Variants in TEAD1 observed in about 807,000 individuals in gnomAD.
The protein encoded by TEAD1 is transcriptional enhancer factor TEF-1.
Under a neutral mutation model 54.9 loss-of-function variants are expected in TEAD1, and 9 were observed. The ratio of observed to expected loss-of-function variants is 0.16; its 90% CI spans 0.10 to 0.29. The LOEUF (loss-of-function observed/expected upper bound fraction) is 0.29, where lower values mean the gene tolerates loss of function less well. Ranked by LOEUF, TEAD1 falls within the 10% of genes least tolerant of loss-of-function variation. The pLI, the probability that TEAD1 is intolerant of heterozygous loss-of-function variation, is 1.00. For synonymous variants in TEAD1, 200 were observed against 187.8 expected, an observed-to-expected ratio of 1.07 and a Z score of -0.53; for missense variants, 387 against 535.9, an observed-to-expected ratio of 0.72 and a Z score of 2.74.
intron 3 of TEAD1, among the ~76,000 whole-genome samples, chr11:12,781,064 G>C (rs758939880): frequency 3.9e-5 from 6 of 152,192 alleles, no homozygotes; most frequent in Admixed American, 2.0e-4. Flanking sequence ...ATTGTCAATT[G>C]ATTTTCAACA....
At chr11:12,728,253 T>C (rs922020924) in intron 2 of TEAD1, among the ~76,000 whole-genome samples, 1 of 152,216 alleles carries the variant, frequency 6.6e-6, no homozygotes, top group Non-Finnish European at 1.5e-5. Flanking sequence ...TCTGTTGTGA[T>C]TCTCTTTTGG....
chr11:12,819,810 T>C (rs993438343), intron 3 of TEAD1, among the ~76,000 whole-genome samples: 1 of 152,236 alleles, frequency 6.6e-6, no homozygotes, highest in Non-Finnish European at 1.5e-5. Flanking sequence ...TTAAACCATT[T>C]GCAGTAATGC....
At chr11:12,748,344 G>C (rs1348855392) in intron 2 of TEAD1, among the ~76,000 whole-genome samples, 3 of 152,180 alleles carry the variant, frequency 2.0e-5, no homozygotes, top group African/African-American at 7.2e-5. Context: ...TCAGGTATTG[G>C]GAGAGCCCCA....
intron 2 of TEAD1, among the ~76,000 whole-genome samples, chr11:12,719,968 T>TTTTG: frequency 1.6e-5 from 1 of 61,326 alleles, no homozygotes; most frequent in South Asian, 6.6e-4. Flanking sequence ...TTTTTTTTTT[T>TTTTG]TTTTTTTTTT....
chr11:12,814,721 C>G (rs896448944), intron 3 of TEAD1, among the ~76,000 whole-genome samples: 8 of 151,796 alleles, frequency 5.3e-5, no homozygotes, highest in Admixed American at 6.6e-5. Context: ...ACACCGTAAG[C>G]AAGACAGCCA....
rs557310860 is a variant in TEAD1, at chr11:12,767,800, G to T, written c.202+3366G>T. On this transcript the variant is annotated intron_variant, in intron 3 of 12. Coordinates refer to ENST00000527636, the MANE Select transcript of TEAD1 (RefSeq NM_021961.6). ...ATGTCCTTTGACCTGGTTCCTAAGG[G>T]CATGTGTGCTCAGTCCCTGGGGCTC... is the stretch of plus-strand genomic sequence containing the variant. 3.9e-5 allele frequency among the ~76,000 whole-genome samples: 6 copies of T among 152,276 alleles called. No individual in the cohort carries two copies. In the South Asian group the frequency reaches 6.2e-4, roughly 16 times the overall value.
At chr11:12,936,158 A>G (rs772788973) in intron 12 of TEAD1, among the ~76,000 whole-genome samples, 2 of 152,200 alleles carry the variant, frequency 1.3e-5, no homozygotes, top group African/African-American at 2.4e-5. Flanking sequence ...GCTTGATTAG[A>G]TTTGCTCTTA....
chr11:12,902,188 A>G (rs1478824969), intron 10 of TEAD1, 75 bp downstream of exon 10: 2 of 1,590,376 alleles, frequency 1.3e-6, no homozygotes, highest in East Asian at 2.2e-5. Context: ...ACAGTGCAGC[A>G]CAGCTGGCTT....
chr11:12,919,621 G>A (rs1360770829), intron 10 of TEAD1, among the ~76,000 whole-genome samples: 1 of 151,500 alleles, frequency 6.6e-6, no homozygotes, highest in Non-Finnish European at 1.5e-5. Flanking sequence ...AGCCTCCCAG[G>A]TAGCTGGGAC....
intron 5 of TEAD1, among the ~76,000 whole-genome samples, chr11:12,878,397 C>T (rs1183878394): frequency 6.6e-6 from 1 of 152,056 alleles, no homozygotes; most frequent in East Asian, 1.9e-4. Context: ...CCTGAAGCTC[C>T]CTTTGACGTT....
At chr11:12,879,028 A>G (rs1947912767) in intron 5 of TEAD1, 1 of 636,026 alleles carries the variant, frequency 1.6e-6, no homozygotes, top group African/African-American at 1.9e-5. Context: ...GAAACCACGT[A>G]CCTGTAGCAT....
intron 3 of TEAD1, among the ~76,000 whole-genome samples, chr11:12,841,669 A>G (rs1947044173): frequency 2.0e-5 from 3 of 152,104 alleles, no homozygotes; most frequent in Non-Finnish European, 4.4e-5. Context: ...TAGCTCCTTC[A>G]GTGTTTAGAG....
chr11:12,676,983 A>C (rs1429647134), intron 2 of TEAD1, among the ~76,000 whole-genome samples: 2 of 151,654 alleles, frequency 1.3e-5, no homozygotes, highest in South Asian at 2.1e-4. Flanking sequence ...GAATATTAGA[A>C]CTTTTTTTTT....
At chr11:12,892,406 A>G (rs7103221) in intron 9 of TEAD1, among the ~76,000 whole-genome samples, 77,655 of 152,016 alleles carry the variant, frequency 0.51, 20,155 homozygotes, top group East Asian at 0.82. Context: ...TTGGGAGGCC[A>G]AGCAAGGCGT....
At chr11:12,895,200 C>CCT (rs143977899) in intron 9 of TEAD1, among the ~76,000 whole-genome samples, 1 of 122,272 alleles carries the variant, frequency 8.2e-6, no homozygotes, top group South Asian at 3.5e-4. Context: ...CCTTTATTAA[C>CCT]CCCCCCCGGG....
At chr11:12,888,990 T>G (rs1171458819) in intron 9 of TEAD1, among the ~76,000 whole-genome samples, 3 of 152,198 alleles carry the variant, frequency 2.0e-5, no homozygotes, top group Non-Finnish European at 4.4e-5. Flanking sequence ...AGACGGCAGC[T>G]TCCCCAAGTT....
chr11:12,793,715 A>G (rs2133964949), intron 3 of TEAD1, among the ~76,000 whole-genome samples: 1 of 152,370 alleles, frequency 6.6e-6, no homozygotes, highest in South Asian at 2.1e-4. Flanking sequence ...AAAGGCATGT[A>G]GGATGTGGAA....
At chr11:12,819,529 A>C (rs1441429383) in intron 3 of TEAD1, among the ~76,000 whole-genome samples, 1 of 152,034 alleles carries the variant, frequency 6.6e-6, no homozygotes, top group Non-Finnish European at 1.5e-5. Flanking sequence ...GGCTCACTGC[A>C]AGCTCCGTCT....
intron 3 of TEAD1, among the ~76,000 whole-genome samples, chr11:12,837,780 T>TCTTCTTC (rs1249974519): frequency 1.6e-3 from 3 of 1,888 alleles, no homozygotes; most frequent in South Asian, 0.14. Flanking sequence ...CTTCTCTTCC[T>TCTTCTTC]CTTCTTCCTT....
Sources: allele counts gnomAD v4.1 joint callset (sites outside exome capture counted in the v4.1 genomes callset), GRCh38; gene constraint gnomAD v4.1.1; transcripts MANE v1.5; gene names NCBI Gene and HGNC (gene_info 2026-07-23, HGNC 2026-07-21).